TMEM123: variants seen among roughly 807,000 people sequenced by gnomAD.
TMEM123 encodes the protein porimin.
In TMEM123, 16 loss-of-function variants were observed where a neutral mutation model predicts 19.7. That is an observed-to-expected ratio of 0.81 (90% CI 0.55 to 1.23). The LOEUF is 1.23. Among genes scored for constraint, TMEM123 ranks in the 50% most tolerant of loss-of-function variants. The probability of loss-of-function intolerance (pLI) is 0.00; values close to 1 mark genes in which losing one functional copy is unlikely to be tolerated. For synonymous variants in TMEM123, 118 were observed against 99.4 expected (o/e 1.19, Z -1.12); for missense variants, 313 against 257.8 (o/e 1.21, Z -1.47).
At chr11:102,401,236 T>TA (rs1483593286) in intron 4 of TMEM123, among the ~76,000 whole-genome samples, 1 of 152,180 alleles carries the variant, frequency 6.6e-6, no homozygotes, top group Non-Finnish European at 1.5e-5. Flanking sequence ...TGGTATTTCT[T>TA]ACGATTATTG....
At chr11:102,417,416 CACAA>C (rs1181395417) in intron 2 of TMEM123, among the ~76,000 whole-genome samples, 1 of 152,094 alleles carries the variant, frequency 6.6e-6, no homozygotes, top group Non-Finnish European at 1.5e-5. Context: ...CTTCCCCCAC[CACAA>C]ACATACAAAT....
chr11:102,425,920 A>G (rs1046076477), intron 2 of TMEM123, among the ~76,000 whole-genome samples: 12 of 152,080 alleles, frequency 7.9e-5, no homozygotes, highest in African/African-American at 2.7e-4. Context: ...CTGAGTGCTC[A>G]CTTACATTAT....
At chr11:102,449,053 T>C (rs1342690584) in intron 1 of TMEM123, 185 bp from the exon 2 acceptor site, 5 of 558,336 alleles carry the variant, frequency 9.0e-6, no homozygotes, top group Non-Finnish European at 1.3e-5. Flanking sequence ...AAAGGGACTG[T>C]ATTACCAGGT....
At chr11:102,434,269 T>C (rs1243712640) in intron 2 of TMEM123, among the ~76,000 whole-genome samples, 2 of 151,956 alleles carry the variant, frequency 1.3e-5, no homozygotes, top group African/African-American at 4.8e-5. Context: ...TTTTGTCTTT[T>C]TGAGAATAGC....
At chr11:102,437,413 G>A (rs117242513) in intron 2 of TMEM123, among the ~76,000 whole-genome samples, 3,048 of 149,348 alleles carry the variant, frequency 0.02, 44 homozygotes, top group Non-Finnish European at 0.034. Flanking sequence ...AGTTGAGATC[G>A]AGCCACTGTA....
intron 1 of TMEM123, among the ~76,000 whole-genome samples, chr11:102,450,045 C>G (rs1192186076): frequency 6.6e-6 from 1 of 152,126 alleles, no homozygotes; most frequent in Non-Finnish European, 1.5e-5. Flanking sequence ...ACCAAGAGGT[C>G]ATCCTTTGAT....
At chr11:102,452,374 C>T (rs1280211306) in intron 1 of TMEM123, 150 bp downstream of exon 1, 4 of 596,372 alleles carry the variant, frequency 6.7e-6, no homozygotes, top group African/African-American at 5.8e-5. Flanking sequence ...CCTCAGTTTC[C>T]CCCACCCCGC....
chr11:102,417,891 G>T (rs893658196), intron 2 of TMEM123, among the ~76,000 whole-genome samples: 2 of 151,988 alleles, frequency 1.3e-5, no homozygotes, highest in African/African-American at 4.8e-5. Context: ...AAGTGCAATG[G>T]GGAAGGGACT....
intron 1 of TMEM123, 157 bp downstream of exon 1, chr11:102,452,367 C>CA (rs1491091947): frequency 3.5e-5 from 19 of 544,442 alleles, no homozygotes; most frequent in Non-Finnish European, 5.4e-5. Flanking sequence ...GTCCAAACCT[C>CA]AGTTTCCCCC....
intron 2 of TMEM123, among the ~76,000 whole-genome samples, chr11:102,406,809 T>G (rs972484987): frequency 1.3e-5 from 2 of 150,042 alleles, no homozygotes; most frequent in African/African-American, 2.5e-5. Flanking sequence ...AGGCAGAGCT[T>G]GCAGTGAGCT....
chr11:102,437,529 A>C (rs1300369798), intron 2 of TMEM123, among the ~76,000 whole-genome samples: 1 of 152,184 alleles, frequency 6.6e-6, no homozygotes, highest in African/African-American at 2.4e-5. Context: ...ACATCGCAAT[A>C]AAGAATAGCA....
chr11:102,448,973 G>C, intron 1 of TMEM123, 105 bp from the exon 2 acceptor site: 4 of 1,105,420 alleles, frequency 3.6e-6, no homozygotes, highest in Non-Finnish European at 5.4e-6. Flanking sequence ...GTGTCAGGAG[G>C]GTAGATTATT....
At chr11:102,435,541 A>G (rs997000689) in intron 2 of TMEM123, among the ~76,000 whole-genome samples, 1 of 151,986 alleles carries the variant, frequency 6.6e-6, no homozygotes, top group Non-Finnish European at 1.5e-5. Flanking sequence ...TTCATTAAAC[A>G]AAGTTACCAT....
At chr11:102,399,700 T>C (rs1341660980) in intron 4 of TMEM123, among the ~76,000 whole-genome samples, 1 of 152,212 alleles carries the variant, frequency 6.6e-6, no homozygotes, top group Non-Finnish European at 1.5e-5. Context: ...CCAGATATGG[T>C]GGCTCACGCC....
At chr11:102,444,332 T>G (rs1256799498) in intron 2 of TMEM123, among the ~76,000 whole-genome samples, 1 of 151,968 alleles carries the variant, frequency 6.6e-6, no homozygotes, top group Non-Finnish European at 1.5e-5. Context: ...ATTAAGACAA[T>G]GGCACAGACA....
At chr11:102,398,921 T>G (rs756177246) in intron 4 of TMEM123, 30 bp from the exon 5 acceptor site, 1 of 1,593,704 alleles carries the variant, frequency 6.3e-7, no homozygotes, top group South Asian at 1.2e-5. Context: ...ACAATTACTT[T>G]GTTTTGTTTT....
At position 102,398,827 on chromosome 11, in the gene TMEM123, C is replaced by A. The variant is rs1222370308; in HGVS notation, c.*40G>T. The A allele has an allele frequency of 6.2e-7, 1 of 1,601,126 alleles. No homozygotes were observed. Among genetic ancestry groups the A allele is most frequent in the Non-Finnish European group, 8.5e-7 (1 of 1,174,206 alleles). ...AATAAACCAAAATTAATTGATAGGGCAGCATCAATCTGTATTCCATCCTTG... is the reference window on the plus strand; with the variant it reads ...AATAAACCAAAATTAATTGATAGGGAAGCATCAATCTGTATTCCATCCTTG... On this transcript the variant is annotated 3_prime_UTR_variant, in exon 5 of 5. Coordinates refer to ENST00000398136, the MANE Select transcript of TMEM123 (RefSeq NM_052932.3).
chr11:102,408,114 A>G (rs1429962586), intron 2 of TMEM123, among the ~76,000 whole-genome samples: 3 of 152,086 alleles, frequency 2.0e-5, no homozygotes, highest in African/African-American at 7.2e-5. Flanking sequence ...AATCAGAGAT[A>G]TAAGAACTTC....
rs188483129 is a variant in TMEM123 at position 102,422,423 on chromosome 11, G to A, written c.158-20217C>T. On this transcript the variant is annotated intron_variant, in intron 2 of 4. Transcript: ENST00000398136. The stretch of plus-strand genomic sequence containing the variant: ...TGGCAGGGGGAGGTTGCAGTGAGCC[G>A]AGATTGTGTCACTGCACTCCAGCCT... 3.3e-5 allele frequency among the ~76,000 whole-genome samples: 5 copies of A among 152,150 alleles called. No homozygotes were observed. In the East Asian group the frequency reaches 5.8e-4, roughly 18 times the overall value.
Sources: gnomAD v4.1 joint callset for allele counts (sites outside exome capture counted in the v4.1 genomes callset) on GRCh38, gnomAD v4.1.1 for gene constraint, MANE v1.5 for transcripts, NCBI Gene and HGNC (gene_info 2026-07-23, HGNC 2026-07-21) for gene names.